Variants in ESRRG observed in about 807,000 individuals in gnomAD.
ESRRG encodes the protein estrogen-related receptor gamma.
Under a neutral mutation model 44.0 loss-of-function variants are expected in ESRRG, and 13 were observed. That is an observed-to-expected ratio of 0.30 (90% CI 0.19 to 0.47). The LOEUF (loss-of-function observed/expected upper bound fraction) is 0.47, where lower values mean the gene tolerates loss of function less well. ESRRG is among the 20% of genes least tolerant of loss of function. ESRRG has a pLI of 1.00. For missense variants in ESRRG, 395 were observed against 580.6 expected (o/e 0.68, Z 3.29); for synonymous variants, 215 against 214.6 (o/e 1.00, Z -0.02).
intron 2 of ESRRG, among the ~76,000 whole-genome samples, chr1:216,797,172 G>A (rs910823923): frequency 3.3e-5 from 5 of 152,166 alleles, no homozygotes; most frequent in African/African-American, 9.7e-5. Flanking sequence ...TTACAGGTGT[G>A]AGCCACCGTG....
At chr1:217,121,321 T>C (rs912854573) in intron 1 of ESRRG, among the ~76,000 whole-genome samples, 11 of 152,202 alleles carry the variant, frequency 7.2e-5, no homozygotes, top group African/African-American at 2.7e-4. Flanking sequence ...GAGGAACTTT[T>C]GTGCTCTGCA....
At chr1:216,634,364 A>T (rs1236416831) in intron 3 of ESRRG, among the ~76,000 whole-genome samples, 1 of 151,918 alleles carries the variant, frequency 6.6e-6, no homozygotes, top group Non-Finnish European at 1.5e-5. Context: ...CAAGAGTTAC[A>T]GTGTTCTCCT....
At chr1:216,852,792 A>G (rs2095861673) in intron 2 of ESRRG, among the ~76,000 whole-genome samples, 1 of 152,202 alleles carries the variant, frequency 6.6e-6, no homozygotes, top group Admixed American at 6.5e-5. Flanking sequence ...GTCTAGAGAT[A>G]GGACTCATCC....
At chr1:216,640,769 T>G (rs969495995) in intron 3 of ESRRG, among the ~76,000 whole-genome samples, 5 of 152,176 alleles carry the variant, frequency 3.3e-5, no homozygotes, top group Admixed American at 1.3e-4. Context: ...TTTAGTTACA[T>G]TCAGGCACAA....
At chr1:217,105,595 G>A (rs72743309) in intron 1 of ESRRG, among the ~76,000 whole-genome samples, 6,022 of 152,202 alleles carry the variant, frequency 0.04, 161 homozygotes, top group Non-Finnish European at 0.061. Flanking sequence ...CTCCCTGGCT[G>A]GCTGGAATTG....
At chr1:216,757,273 T>C (rs1021264881) in intron 2 of ESRRG, among the ~76,000 whole-genome samples, 1 of 152,040 alleles carries the variant, frequency 6.6e-6, no homozygotes, top group Non-Finnish European at 1.5e-5. Flanking sequence ...AAATGGCTCA[T>C]TCCCCAGCAG....
intron 5 of ESRRG, among the ~76,000 whole-genome samples, chr1:216,523,180 A>G (rs769585085): frequency 1.3e-5 from 2 of 152,054 alleles, no homozygotes; most frequent in African/African-American, 2.4e-5. Flanking sequence ...ATCGCTGACA[A>G]CTCGGATCTC....
chr1:216,781,472 G>T (rs2093932831), intron 2 of ESRRG, among the ~76,000 whole-genome samples: 1 of 152,028 alleles, frequency 6.6e-6, no homozygotes, highest in Admixed American at 6.6e-5. Flanking sequence ...GGATTTACCT[G>T]TGTGAGCATA....
At chr1:216,833,221 A>T (rs1347773096) in intron 2 of ESRRG, among the ~76,000 whole-genome samples, 1 of 93,974 alleles carries the variant, frequency 1.1e-5, no homozygotes, top group African/African-American at 5.3e-5. Context: ...ATATTTTCTA[A>T]AAAAAAACAC....
chr1:216,697,099 G>C (rs2080321493), intron 1 of ESRRG, among the ~76,000 whole-genome samples: 1 of 151,862 alleles, frequency 6.6e-6, no homozygotes, highest in Non-Finnish European at 1.5e-5. Flanking sequence ...CCAACTAGCT[G>C]GGACTACAGG....
chr1:216,898,505 C>G (rs2058687928), intron 2 of ESRRG, among the ~76,000 whole-genome samples: 1 of 152,114 alleles, frequency 6.6e-6, no homozygotes, highest in African/African-American at 2.4e-5. Flanking sequence ...GTAATCCCAG[C>G]TACTCAGGAG....
At chr1:216,549,347 A>G (rs1467289411) in intron 5 of ESRRG, among the ~76,000 whole-genome samples, 1 of 152,098 alleles carries the variant, frequency 6.6e-6, no homozygotes, top group African/African-American at 2.4e-5. Flanking sequence ...AAAATATTGG[A>G]AAGGAGGGAA....
chr1:217,044,206 C>T (rs2084424372), intron 1 of ESRRG, among the ~76,000 whole-genome samples: 1 of 152,028 alleles, frequency 6.6e-6, no homozygotes, highest in Non-Finnish European at 1.5e-5. Context: ...ACATTCTGTC[C>T]ACTGACCACC....
chr1:216,797,186 G>A (rs573086012), intron 2 of ESRRG, among the ~76,000 whole-genome samples: 2 of 152,032 alleles, frequency 1.3e-5, no homozygotes, highest in African/African-American at 2.4e-5. Context: ...CACCGTGCGC[G>A]GCCTCCTATT....
intron 1 of ESRRG, among the ~76,000 whole-genome samples, chr1:216,950,747 T>TTACACATCTC (rs1386334268): frequency 6.6e-6 from 1 of 152,232 alleles, no homozygotes; most frequent in Non-Finnish European, 1.5e-5. Flanking sequence ...TACACAATTA[T>TTACACATCTC]TGAAGATGTT....
At chr1:216,896,094 A>G (rs1417970720) in intron 2 of ESRRG, among the ~76,000 whole-genome samples, 1 of 152,222 alleles carries the variant, frequency 6.6e-6, no homozygotes, top group East Asian at 1.9e-4. Flanking sequence ...GACAAATGAC[A>G]TATACACAAA....
At chr1:216,890,407 C>T (rs767023306) in intron 2 of ESRRG, among the ~76,000 whole-genome samples, 2 of 152,128 alleles carry the variant, frequency 1.3e-5, no homozygotes, top group African/African-American at 2.4e-5. Context: ...AGCCTAGTCA[C>T]TTATTGGAAT....
chr1:216,788,690 A>C (rs138488291), intron 2 of ESRRG, among the ~76,000 whole-genome samples: 1 of 152,294 alleles, frequency 6.6e-6, no homozygotes, highest in East Asian at 1.9e-4. Flanking sequence ...TAGCTGCCAT[A>C]GACAGTGGTT....
upstream of ESRRG, among the ~76,000 whole-genome samples, chr1:217,092,320 G>T (rs1012782664): frequency 6.6e-6 from 1 of 152,172 alleles, no homozygotes; most frequent in African/African-American, 2.4e-5. Context: ...GCTTACTAAG[G>T]TAGACGGAAG....
Sources: gnomAD v4.1 joint callset for allele counts (sites outside exome capture counted in the v4.1 genomes callset) on GRCh38, gnomAD v4.1.1 for gene constraint, MANE v1.5 for transcripts, NCBI Gene and HGNC (gene_info 2026-07-23, HGNC 2026-07-21) for gene names.